Variants in ANTXR2 observed in about 807,000 individuals in gnomAD.
ANTXR2 encodes ANTXR cell adhesion molecule 2, also known as anthrax toxin receptor 2.
A neutral mutation model predicts 73.7 loss-of-function variants in ANTXR2; 44 were observed. That is an observed-to-expected ratio of 0.60 (90% CI 0.47 to 0.77). The LOEUF (loss-of-function observed/expected upper bound fraction) is 0.77. ANTXR2 is among the 30% of genes least tolerant of loss of function. The probability of loss-of-function intolerance (pLI) is 0.00; values close to 1 mark genes in which losing one functional copy is unlikely to be tolerated. For synonymous variants in ANTXR2, 217 were observed against 205.9 expected (o/e 1.05, Z -0.46); for missense variants, 604 against 592.5 (o/e 1.02, Z -0.20).
At chr4:80,047,735 C>T (rs1733584073) in intron 7 of ANTXR2, among the ~76,000 whole-genome samples, 1 of 151,656 alleles carries the variant, frequency 6.6e-6, no homozygotes, top group Admixed American at 6.6e-5. Flanking sequence ...AGTTCACCAC[C>T]ATTCATCTAA....
At chr4:80,003,715 C>A (rs1031223173) in intron 12 of ANTXR2, among the ~76,000 whole-genome samples, 1 of 152,000 alleles carries the variant, frequency 6.6e-6, no homozygotes, top group African/African-American at 2.4e-5. Flanking sequence ...GATGAGATAT[C>A]ATTACATACC....
intron 12 of ANTXR2, among the ~76,000 whole-genome samples, chr4:79,993,760 G>GCGCA (rs71662888): frequency 2.1e-5 from 3 of 140,654 alleles, no homozygotes; most frequent in South Asian, 2.3e-4. Flanking sequence ...ACACACACAC[G>GCGCA]CACACACACA....
At chr4:80,033,842 G>A (rs771456422) in intron 8 of ANTXR2, among the ~76,000 whole-genome samples, 2 of 151,960 alleles carry the variant, frequency 1.3e-5, no homozygotes, top group African/African-American at 2.4e-5. Context: ...CCAAGGTATA[G>A]AACAGAAGCA....
chr4:79,975,557 A>G (rs958342223), intron 16 of ANTXR2, among the ~76,000 whole-genome samples: 7 of 152,284 alleles, frequency 4.6e-5, no homozygotes, highest in African/African-American at 1.7e-4. Context: ...GCTAGTATAT[A>G]TTCAATGTTA....
intron 16 of ANTXR2, among the ~76,000 whole-genome samples, chr4:79,976,941 T>A (rs777295892): frequency 9.9e-5 from 15 of 152,250 alleles, no homozygotes; most frequent in Non-Finnish European, 2.1e-4. Context: ...GAAAAGGTTT[T>A]AATCAATTTT....
At chr4:79,934,760 T>C (rs952061455) in intron 16 of ANTXR2, among the ~76,000 whole-genome samples, 8 of 151,220 alleles carry the variant, frequency 5.3e-5, no homozygotes, top group African/African-American at 1.9e-4. Context: ...AACTGGAAAA[T>C]AGTTTAATAC....
chr4:79,919,768 C>T (rs1242474191), intron 16 of ANTXR2, among the ~76,000 whole-genome samples: 2 of 148,008 alleles, frequency 1.4e-5, no homozygotes, highest in African/African-American at 5.0e-5. Flanking sequence ...GGGACCTCAC[C>T]TTGTGATCGT....
intron 10 of ANTXR2, among the ~76,000 whole-genome samples, chr4:80,020,931 G>A (rs1377526967): frequency 1.3e-5 from 2 of 152,044 alleles, no homozygotes; most frequent in Non-Finnish European, 2.9e-5. Context: ...GGTAGATCAC[G>A]AGGTCAGGAG....
At chr4:80,068,617 C>A (rs185909017) in intron 3 of ANTXR2, among the ~76,000 whole-genome samples, 1 of 152,044 alleles carries the variant, frequency 6.6e-6, no homozygotes, top group East Asian at 1.9e-4. Flanking sequence ...TAAAAAAATA[C>A]AAAAATTGGC....
chr4:79,916,751 T>C (rs1201447829), intron 16 of ANTXR2, among the ~76,000 whole-genome samples: 2 of 152,132 alleles, frequency 1.3e-5, no homozygotes, highest in Non-Finnish European at 2.9e-5. Flanking sequence ...AAAATTTCTA[T>C]ACACCATTGT....
intron 16 of ANTXR2, among the ~76,000 whole-genome samples, chr4:79,949,473 C>T (rs1728626364): frequency 6.6e-6 from 1 of 152,152 alleles, no homozygotes; most frequent in African/African-American, 2.4e-5. Context: ...TGGAAAAGTA[C>T]AGGCTAATAT....
intron 11 of ANTXR2, among the ~76,000 whole-genome samples, chr4:80,016,620 G>A (rs1408036480): frequency 5.9e-5 from 9 of 152,106 alleles, no homozygotes; most frequent in Non-Finnish European, 8.8e-5. Flanking sequence ...ATATTCAGGG[G>A]CCTGACATTT....
intron 12 of ANTXR2, among the ~76,000 whole-genome samples, chr4:80,006,621 G>T (rs1731313776): frequency 6.6e-6 from 1 of 151,960 alleles, no homozygotes; most frequent in African/African-American, 2.4e-5. Context: ...TTTATGCCTC[G>T]TAGAAAGTAA....
intron 16 of ANTXR2, among the ~76,000 whole-genome samples, chr4:79,953,597 T>G (rs1728784644): frequency 6.6e-6 from 1 of 152,120 alleles, no homozygotes. Flanking sequence ...CAGATAGAAC[T>G]CCTTTTGCTT....
In ANTXR2 at chr4:79,931,308, G is replaced by C. The variant is rs191442803; in HGVS notation, c.1429-23841C>G. On this transcript the variant is annotated intron_variant, in intron 16 of 16. Transcript: ENST00000403729. ...GTATTATATTTTATTTTTCAAGAGA[G>C]AGCAAATGAATAGAGTTAGCTTTAT... Among the ~76,000 whole-genome samples, 44 of 152,240 alleles carry C rather than the reference G, an allele frequency of 2.9e-4. No homozygotes were observed. In the East Asian group the frequency reaches 8.1e-3, roughly 28 times the overall value.
At chr4:79,958,791 G>A (rs1729032901) in intron 16 of ANTXR2, among the ~76,000 whole-genome samples, 1 of 152,102 alleles carries the variant, frequency 6.6e-6, no homozygotes, top group Non-Finnish European at 1.5e-5. Context: ...CTCTTCTGAA[G>A]AGTAGTAACT....
chr4:80,033,899 T>C (rs979302304), intron 8 of ANTXR2, among the ~76,000 whole-genome samples: 1 of 152,056 alleles, frequency 6.6e-6, no homozygotes. Flanking sequence ...CCTCAACTTC[T>C]ATCCTTAGGA....
intron 4 of ANTXR2, 63 bp downstream of exon 4, chr4:80,055,868 GT>G: frequency 8.3e-7 from 1 of 1,205,722 alleles, no homozygotes; most frequent in Middle Eastern, 1.9e-4. Context: ...TTGCTAGAGG[GT>G]TTTATTTCAC....
intron 16 of ANTXR2, among the ~76,000 whole-genome samples, chr4:79,918,762 T>C (rs1727454423): frequency 6.6e-6 from 1 of 151,896 alleles, no homozygotes; most frequent in African/African-American, 2.4e-5. Flanking sequence ...AGAAACAGAA[T>C]AGTAAATATG....
Sources: allele counts gnomAD v4.1 joint callset (sites outside exome capture counted in the v4.1 genomes callset), GRCh38; gene constraint gnomAD v4.1.1; transcripts MANE v1.5; gene names NCBI Gene and HGNC (gene_info 2026-07-23, HGNC 2026-07-21).